NPSR1: variants seen among roughly 807,000 people sequenced by gnomAD.
NPSR1 encodes the protein neuropeptide S receptor.
In NPSR1, 48 loss-of-function variants were observed where a neutral mutation model predicts 46.9. The observed-to-expected ratio is 1.02, with a 90% confidence interval of 0.81 to 1.30. The LOEUF is 1.30. NPSR1 is among the 50% of genes most tolerant of loss of function. NPSR1 has a pLI of 0.00. For synonymous variants in NPSR1, 176 were observed against 168.1 expected (o/e 1.05, Z -0.36); for missense variants, 450 against 449.5 (o/e 1.00, Z -0.01).
intron 3 of NPSR1, among the ~76,000 whole-genome samples, chr7:34,794,737 G>GA (rs1194717891): frequency 1.3e-5 from 2 of 151,714 alleles, no homozygotes; most frequent in Admixed American, 6.6e-5. Context: ...ATATTGCAAG[G>GA]AAAAAAACAC....
chr7:34,744,609 T>C (rs1253065759), intron 2 of NPSR1, among the ~76,000 whole-genome samples: 1 of 152,240 alleles, frequency 6.6e-6, no homozygotes, highest in African/African-American at 2.4e-5. Context: ...CCATTCCTTC[T>C]TCCTGTTTGA....
At chr7:34,664,370 G>A (rs995053389) in intron 1 of NPSR1, among the ~76,000 whole-genome samples, 1 of 152,180 alleles carries the variant, frequency 6.6e-6, no homozygotes, top group Admixed American at 6.5e-5. Context: ...TGCTTGTATA[G>A]CCTTAAAGAA....
chr7:34,857,454 C>G (rs1374588801), intron 8 of NPSR1, among the ~76,000 whole-genome samples: 1 of 151,736 alleles, frequency 6.6e-6, no homozygotes, highest in Non-Finnish European at 1.5e-5. Flanking sequence ...GGGAAAGATG[C>G]CCACATATAG....
chr7:34,778,145 AG>A (rs1177821375), intron 2 of NPSR1, among the ~76,000 whole-genome samples: 6 of 152,156 alleles, frequency 3.9e-5, no homozygotes, highest in Non-Finnish European at 7.4e-5. Flanking sequence ...TGCTTTCTTT[AG>A]TACAGACCTA....
In NPSR1 at chr7:34,836,274, A is replaced by G. The variant is rs187600455; in HGVS notation, c.757+1814A>G. Among the ~76,000 whole-genome samples, 7 of 152,324 alleles carry G rather than the reference A, an allele frequency of 4.6e-5. No individual in the cohort carries two copies. The East Asian group carries it at 1.4e-3, about 29-fold the overall frequency. On this transcript the variant is annotated intron_variant, in intron 6 of 8. Transcript: ENST00000360581. ...TTAAAAGTTAGAATATTTGTCCAAA[A>G]AAAAAATTGGATGAAGACATCCTTC... is the stretch of plus-strand genomic sequence containing the variant.
rs561751398 is a variant in NPSR1 at position 34,868,739 on chromosome 7, G to A, written c.1026-9337G>A. Among the ~76,000 whole-genome samples, 49 of 151,738 alleles carry A rather than the reference G, an allele frequency of 3.2e-4. 2 individuals are homozygous for A. Among genetic ancestry groups the A allele is most frequent in the African/African-American group, 1.1e-3 (46 of 41,052 alleles). On this transcript the variant is annotated intron_variant, in intron 8 of 8. Coordinates refer to the NPSR1 transcript ENST00000359791. ...GTCACTCGTGTTTGCCCCCTGAGTC[G>A]GTTTCCATGGACTCCCGTTTAAACC...
At position 34,747,621 on chromosome 7, in the gene NPSR1, CAT is replaced by C. The variant is rs764817416; in HGVS notation, c.281-30839_281-30838del. Among the ~76,000 whole-genome samples, 15 of 110,572 alleles carry C rather than the reference CAT, an allele frequency of 1.4e-4. No homozygotes were observed. The East Asian group carries it at 2.4e-3, about 18-fold the overall frequency. 72.5% of individuals were successfully genotyped at this position (110,572 alleles called of 152,430 possible). On this transcript the variant is annotated intron_variant, in intron 2 of 8. Coordinates refer to ENST00000360581, the MANE Select transcript of NPSR1 (RefSeq NM_207172.2). ...ACCAGGCATCTTAGACACACACACA[CAT>C]ACACACACACACACACGTGCACGAG...
chr7:34,855,815 G>A (rs1238973002), intron 8 of NPSR1, among the ~76,000 whole-genome samples: 1 of 152,124 alleles, frequency 6.6e-6, no homozygotes, highest in African/African-American at 2.4e-5. Flanking sequence ...GCTAACATAT[G>A]TGACAAAACT....
rs895098377 is a variant in NPSR1 at position 34,715,881 on chromosome 7, C to A, written c.280+31197C>A. 2.0e-5 allele frequency among the ~76,000 whole-genome samples: 3 copies of A among 152,148 alleles called. No individual in the cohort carries two copies. In the East Asian group the frequency reaches 5.8e-4, roughly 29 times the overall value. The stretch of plus-strand genomic sequence containing the variant: ...GGTGAATAGCACCTGGGAAGCTGAA[C>A]CTCTGTGTTCAGCTTGGAGGTAGTT... On this transcript the variant is annotated intron_variant, in intron 2 of 8. Coordinates refer to ENST00000360581, the MANE Select transcript of NPSR1 (RefSeq NM_207172.2).
At chr7:34,858,483 C>A (rs1791101181) in intron 8 of NPSR1, among the ~76,000 whole-genome samples, 1 of 151,612 alleles carries the variant, frequency 6.6e-6, no homozygotes, top group South Asian at 2.1e-4. Context: ...CAAAACTAAC[C>A]AAAATTAAAT....
chr7:34,779,155 G>A (rs1787117127), intron 3 of NPSR1, among the ~76,000 whole-genome samples: 1 of 151,802 alleles, frequency 6.6e-6, no homozygotes, highest in Non-Finnish European at 1.5e-5. Flanking sequence ...CTGCTTCATT[G>A]TAAGCCATAT....
At position 34,828,401 on chromosome 7, in the gene NPSR1, G is replaced by A. The variant is rs528002626; in HGVS notation, c.680+799G>A. On this transcript the variant is annotated intron_variant, in intron 5 of 8. Transcript: ENST00000360581. Reference sequence around the variant, plus strand: ...AGTCCTTTGTCCTGCAGCCAATGGTGAGCTGTAGAGGGTCTTTCAACAGAG... The same window carrying A: ...AGTCCTTTGTCCTGCAGCCAATGGTAAGCTGTAGAGGGTCTTTCAACAGAG... Among the ~76,000 whole-genome samples the A allele has an allele frequency of 3.9e-5, 6 of 152,344 alleles. No individual in the cohort carries two copies. In the East Asian group the frequency reaches 1.2e-3, roughly 29 times the overall value.
chr7:34,869,770 G>A (rs995813968), intron 8 of NPSR1, among the ~76,000 whole-genome samples: 5 of 151,798 alleles, frequency 3.3e-5, no homozygotes, highest in African/African-American at 9.7e-5. Flanking sequence ...GTTACATTCT[G>A]TGGGCAAAAT....
intron 1 of NPSR1, among the ~76,000 whole-genome samples, chr7:34,661,972 T>C (rs1791473097): frequency 6.6e-6 from 1 of 152,206 alleles, no homozygotes; most frequent in Non-Finnish European, 1.5e-5. Context: ...TACAAAACTC[T>C]TCACACAGAA....
chr7:34,783,272 A>C (rs1226318394), intron 3 of NPSR1, among the ~76,000 whole-genome samples: 1 of 152,166 alleles, frequency 6.6e-6, no homozygotes, highest in Non-Finnish European at 1.5e-5. Flanking sequence ...GGGAGGCCTC[A>C]GGAAACTTAT....
intron 1 of NPSR1, among the ~76,000 whole-genome samples, chr7:34,660,623 A>ATTTTC (rs1337443805): frequency 7.0e-4 from 106 of 152,350 alleles, no homozygotes; most frequent in African/African-American, 2.5e-3. Context: ...AGTCACAGAA[A>ATTTTC]TAACAGCAAC....
chr7:34,832,005 G>T (rs907058302), intron 5 of NPSR1, among the ~76,000 whole-genome samples: 12 of 152,176 alleles, frequency 7.9e-5, no homozygotes, highest in African/African-American at 2.9e-4. Context: ...GGCCATGGTG[G>T]GTAAAAGCGC....
intron 6 of NPSR1, among the ~76,000 whole-genome samples, chr7:34,836,830 T>G (rs926037327): frequency 6.6e-6 from 1 of 152,090 alleles, no homozygotes; most frequent in Non-Finnish European, 1.5e-5. Context: ...GATCTGAATA[T>G]CCTACAATGA....
chr7:34,820,756 A>G lies in NPSR1; in HGVS notation c.479-6645A>G, dbSNP rs117977071. ...GGGGTGGGCGAAGCTTCCAGATTAT[A>G]GTTAGATTTAAATTTTTTCTGGTTG... On this transcript the variant is annotated intron_variant, in intron 4 of 8. Transcript: ENST00000360581. Among the ~76,000 whole-genome samples the G allele has an allele frequency of 7.1e-4, 108 of 152,298 alleles. 1 individual carries two copies. The East Asian group carries it at 0.019, about 27-fold the overall frequency.
Sources: gnomAD v4.1 joint callset for allele counts (sites outside exome capture counted in the v4.1 genomes callset) on GRCh38, gnomAD v4.1.1 for gene constraint, MANE v1.5 for transcripts, NCBI Gene and HGNC (gene_info 2026-07-23, HGNC 2026-07-21) for gene names.